Variants in CADM2 observed in about 807,000 individuals in gnomAD.
The protein encoded by CADM2 is immunoglobulin superfamily member 4D.
CADM2 carries 12 observed loss-of-function variants against 49.8 expected under a neutral mutation model. That is an observed-to-expected ratio of 0.24 (90% CI 0.15 to 0.39). CADM2 has a LOEUF of 0.39. Among genes scored for constraint, CADM2 ranks in the 10% least tolerant of loss-of-function variants. The pLI is 1.00. For missense variants in CADM2, 378 were observed against 492.3 expected (o/e 0.77, Z 2.20); for synonymous variants, 214 against 175.4 (o/e 1.22, Z -1.74).
At chr3:85,425,098 C>T (rs1026732225) in intron 1 of CADM2, among the ~76,000 whole-genome samples, 13 of 152,086 alleles carry the variant, frequency 8.5e-5, no homozygotes, top group East Asian at 1.9e-4. Flanking sequence ...AAAGAGGTCA[C>T]GAACATATTC....
At chr3:85,220,012 T>C (rs941980167) in intron 1 of CADM2, among the ~76,000 whole-genome samples, 4 of 152,146 alleles carry the variant, frequency 2.6e-5, no homozygotes, top group African/African-American at 9.7e-5. Context: ...ATAGATAAAA[T>C]TAAAAATTGT....
chr3:85,216,958 T>A (rs2041942027), intron 1 of CADM2, among the ~76,000 whole-genome samples: 1 of 152,022 alleles, frequency 6.6e-6, no homozygotes, highest in Non-Finnish European at 1.5e-5. Flanking sequence ...ATTATTCCAT[T>A]GCTCTCTGAA....
chr3:85,989,628 AC>A (rs1379155129), intron 8 of CADM2, among the ~76,000 whole-genome samples: 3 of 152,132 alleles, frequency 2.0e-5, no homozygotes, highest in African/African-American at 7.2e-5. Flanking sequence ...TCCAAATATG[AC>A]ACCCAACTTC....
intron 1 of CADM2, among the ~76,000 whole-genome samples, chr3:85,359,151 T>A (rs553076787): frequency 6.6e-6 from 1 of 152,236 alleles, no homozygotes; most frequent in African/African-American, 2.4e-5. Context: ...GAACTCAGTA[T>A]GCTATATTTC....
chr3:85,923,574 C>A (rs1719440558), intron 6 of CADM2, among the ~76,000 whole-genome samples: 1 of 149,464 alleles, frequency 6.7e-6, no homozygotes, highest in Admixed American at 6.7e-5. Context: ...AACACAGTAG[C>A]AAACAGAACT....
chr3:85,161,533 G>A (rs2040324744), intron 1 of CADM2, among the ~76,000 whole-genome samples: 1 of 152,022 alleles, frequency 6.6e-6, no homozygotes, highest in South Asian at 2.1e-4. Flanking sequence ...TAAAACCTAG[G>A]TGAATGTCAC....
rs1404460002 is a variant in CADM2, at chr3:85,829,624, G to T, written c.238+27428G>T. On this transcript the variant is annotated intron_variant, in intron 3 of 9. Transcript: ENST00000383699. ...GCTGTACCTTGGATCCCCAGACCTT[G>T]TTCATCTTCTAGCTGAAAGTTTCTA... Among the ~76,000 whole-genome samples, 3 of 151,928 alleles carry T rather than the reference G, an allele frequency of 2.0e-5. No individual in the cohort carries two copies. In the East Asian group the frequency reaches 5.8e-4, roughly 29 times the overall value.
At chr3:85,725,202 A>G (rs2067652472) in intron 1 of CADM2, among the ~76,000 whole-genome samples, 1 of 151,924 alleles carries the variant, frequency 6.6e-6, no homozygotes, top group South Asian at 2.1e-4. Flanking sequence ...TAGGATGTTC[A>G]TTTTAAAATA....
At chr3:85,584,296 C>T (rs949415537) in intron 1 of CADM2, among the ~76,000 whole-genome samples, 1 of 151,966 alleles carries the variant, frequency 6.6e-6, no homozygotes, top group Non-Finnish European at 1.5e-5. Flanking sequence ...TGGGAGCATT[C>T]TGTATATTTC....
chr3:85,601,144 A>G (rs879617210), intron 1 of CADM2, among the ~76,000 whole-genome samples: 23,311 of 111,072 alleles, frequency 0.21, 2,985 homozygotes, highest in East Asian at 0.33. Flanking sequence ...ATATATATAT[A>G]TATATATATA....
chr3:85,736,083 A>G (rs1305527712), intron 2 of CADM2, among the ~76,000 whole-genome samples: 4 of 152,168 alleles, frequency 2.6e-5, no homozygotes, highest in East Asian at 1.9e-4. Flanking sequence ...CCAGCCTTAA[A>G]GAGATCAATC....
chr3:85,749,994 G>A (rs1175108313), intron 2 of CADM2, among the ~76,000 whole-genome samples: 3 of 151,874 alleles, frequency 2.0e-5, no homozygotes, highest in Non-Finnish European at 4.4e-5. Context: ...CACGTGTATG[G>A]TCAACTCTTC....
chr3:85,956,937 G>T lies in CADM2; in HGVS notation c.792-4532G>T, dbSNP rs532403089. ...GTATGTTTAAAAGTTCAAACATCAA[G>T]AAAAGGTTGCCTCCTAAGATACTAA... On this transcript the variant is annotated intron_variant, in intron 7 of 9. Transcript: ENST00000383699. Among the ~76,000 whole-genome samples the T allele has an allele frequency of 5.3e-5, 8 of 151,620 alleles. No homozygotes were observed. In the South Asian group the frequency reaches 1.7e-3, roughly 31 times the overall value.
intron 8 of CADM2, among the ~76,000 whole-genome samples, chr3:86,038,001 G>A (rs1559816600): frequency 6.6e-6 from 1 of 151,946 alleles, no homozygotes; most frequent in Non-Finnish European, 1.5e-5. Context: ...CCAACCCCCT[G>A]ACAAGCTGTG....
chr3:85,835,038 G>C (rs530945142), intron 3 of CADM2, among the ~76,000 whole-genome samples: 5 of 151,604 alleles, frequency 3.3e-5, no homozygotes, highest in African/African-American at 1.2e-4. Flanking sequence ...GAAGTATGAC[G>C]GTCTCTTGAT....
chr3:86,045,773 A>C (rs1736594342), intron 8 of CADM2, among the ~76,000 whole-genome samples: 1 of 152,126 alleles, frequency 6.6e-6, no homozygotes, highest in Non-Finnish European at 1.5e-5. Flanking sequence ...CCATTCTTCT[A>C]ATGTGCTGGT....
At chr3:85,648,871 T>A (rs2064965122) in intron 1 of CADM2, among the ~76,000 whole-genome samples, 1 of 152,064 alleles carries the variant, frequency 6.6e-6, no homozygotes, top group Non-Finnish European at 1.5e-5. Flanking sequence ...GGTTTTTATA[T>A]TTTTACTCAT....
At chr3:86,045,336 T>G (rs1179088380) in intron 8 of CADM2, among the ~76,000 whole-genome samples, 1 of 152,204 alleles carries the variant, frequency 6.6e-6, no homozygotes, top group African/African-American at 2.4e-5. Flanking sequence ...GTTCTATCAG[T>G]CTTCCTGGAA....
At chr3:85,967,610 A>G (rs1725628277) in intron 8 of CADM2, among the ~76,000 whole-genome samples, 1 of 151,646 alleles carries the variant, frequency 6.6e-6, no homozygotes, top group Non-Finnish European at 1.5e-5. Flanking sequence ...ATTATCAATG[A>G]TCTGAGAACT....
Sources: allele counts gnomAD v4.1 joint callset (sites outside exome capture counted in the v4.1 genomes callset), GRCh38; gene constraint gnomAD v4.1.1; transcripts MANE v1.5; gene names NCBI Gene and HGNC (gene_info 2026-07-23, HGNC 2026-07-21).